The following ZNF790 variants were observed in gnomAD, a reference collection of about 807,000 sequenced individuals.
The protein encoded by ZNF790 is zinc finger protein 790.
A neutral mutation model predicts 12.1 loss-of-function variants in ZNF790; 8 were observed. That is an observed-to-expected ratio of 0.66 (90% CI 0.39 to 1.19). The LOEUF is 1.19. Ranked by LOEUF, ZNF790 falls within the 50% of genes most tolerant of loss-of-function variation. The probability of loss-of-function intolerance (pLI) is 0.01; values close to 1 mark genes in which losing one functional copy is unlikely to be tolerated. For synonymous variants in ZNF790, 252 were observed against 244.3 expected, an observed-to-expected ratio of 1.03 and a Z score of -0.29; for missense variants, 707 against 752.2, an observed-to-expected ratio of 0.94 and a Z score of 0.70.
chr19:36,842,467 T>C (rs1040098918), upstream of ZNF790, among the ~76,000 whole-genome samples: 14 of 152,110 alleles, frequency 9.2e-5, no homozygotes, highest in Middle Eastern at 6.3e-3. Flanking sequence ...ATTAGTATTA[T>C]AGTGAGACAG....
At chr19:36,842,370 A>T (rs971985081), upstream of ZNF790, among the ~76,000 whole-genome samples, 9 of 152,338 alleles carry the variant, frequency 5.9e-5, no homozygotes, top group South Asian at 2.1e-4. Flanking sequence ...ATGTGCCTAT[A>T]TGAGATTTAT....
intron 1 of ZNF790, among the ~76,000 whole-genome samples, chr19:36,831,083 G>T (rs1300197812): frequency 6.6e-6 from 1 of 151,976 alleles, no homozygotes; most frequent in Non-Finnish European, 1.5e-5. Flanking sequence ...AGGTTCCAGT[G>T]AGCCAAGATC....
chr19:36,842,768 G>A (rs930587785), upstream of ZNF790, among the ~76,000 whole-genome samples: 1 of 151,946 alleles, frequency 6.6e-6, no homozygotes, highest in Non-Finnish European at 1.5e-5. Context: ...CACTTTGGGA[G>A]GCTGAGGCAG....
chr19:36,823,612 A>T (rs2071724975), intron 3 of ZNF790, 55 bp downstream of exon 3: 8 of 1,575,826 alleles, frequency 5.1e-6, no homozygotes, highest in Middle Eastern at 1.7e-4. Context: ...AAAAGACAAT[A>T]AAAAAAATCA....
chr19:36,847,805 G>A (rs1041325210), intron 1 of ZNF790, among the ~76,000 whole-genome samples: 2 of 151,174 alleles, frequency 1.3e-5, no homozygotes, highest in African/African-American at 4.9e-5. Context: ...TGAGGGAAGA[G>A]CCTACATAGA....
At chr19:36,828,666 C>G (rs752706800) in intron 1 of ZNF790, among the ~76,000 whole-genome samples, 1 of 152,006 alleles carries the variant, frequency 6.6e-6, no homozygotes, top group Non-Finnish European at 1.5e-5. Context: ...TTTGTCGAGA[C>G]GGGGTCCGCT....
At chr19:36,849,807 C>A (rs1273027442) in intron 1 of ZNF790, among the ~76,000 whole-genome samples, 1 of 151,828 alleles carries the variant, frequency 6.6e-6, no homozygotes, top group South Asian at 2.1e-4. Flanking sequence ...TTGCCCCCCC[C>A]ACCTCCACAC....
chr19:36,825,757 C>G (rs981143910), intron 1 of ZNF790, 65 bp from the exon 2 acceptor site: 24 of 928,692 alleles, frequency 2.6e-5, no homozygotes, highest in African/African-American at 4.9e-5. Context: ...ATAGGAAATG[C>G]CATTTTCTTC....
At chr19:36,828,524 T>A (rs2071880003) in intron 1 of ZNF790, among the ~76,000 whole-genome samples, 1 of 151,926 alleles carries the variant, frequency 6.6e-6, no homozygotes, top group East Asian at 1.9e-4. Flanking sequence ...TCAGTCATGC[T>A]GGAGTAGAGT....
rs114799969 is a variant in ZNF790, at chr19:36,844,538, G to A, written c.-74+5464C>T. Among the ~76,000 whole-genome samples the A allele has an allele frequency of 8.9e-3, 1,349 of 152,098 alleles. 8 individuals carry two copies. Among genetic ancestry groups the A allele is most frequent in the Middle Eastern group, 0.031 (9 of 294 alleles). On this transcript the variant is annotated intron_variant, in intron 1 of 4. Coordinates refer to the ZNF790 transcript ENST00000528994. ...GTCCCAAAAGAAAAGTAGAGACAGC[G>A]TGGAGAAGAACCCTATTTGAAGAGA...
chr19:36,848,755 G>C (rs994183373), intron 1 of ZNF790, among the ~76,000 whole-genome samples: 1 of 151,260 alleles, frequency 6.6e-6, no homozygotes, highest in Non-Finnish European at 1.5e-5. Flanking sequence ...TGGGGGTTGG[G>C]GGGGTGGTGG....
At chr19:36,827,854 TAAGA>T (rs1218148278) in intron 1 of ZNF790, 1 of 152,152 alleles carries the variant, frequency 6.6e-6, no homozygotes, top group Non-Finnish European at 1.5e-5. Flanking sequence ...TCAGAGGTAA[TAAGA>T]AAGCATTCTG....
chr19:36,825,577 G>A, intron 2 of ZNF790, 34 bp downstream of exon 2: 1 of 1,604,682 alleles, frequency 6.2e-7, no homozygotes, highest in Non-Finnish European at 8.5e-7. Flanking sequence ...ATATAAATGG[G>A]TTATATTTTT....
chr19:36,849,388 T>A lies in ZNF790; in HGVS notation c.-74+614A>T, dbSNP rs575402183. 4.5e-4 allele frequency among the ~76,000 whole-genome samples: 68 copies of A among 152,304 alleles called. No homozygotes were observed. The East Asian group carries it at 9.5e-3, about 21-fold the overall frequency. ...CTAGCTCCCCTTTCTGTCAGTTTTT[T>A]AATTTTATATTTGTTTTCAAATGAG... On this transcript the variant is annotated intron_variant, in intron 1 of 4. Coordinates refer to the ZNF790 transcript ENST00000528994.
chr19:36,825,475 A>G (rs1316159706), intron 2 of ZNF790, 136 bp downstream of exon 2: 15 of 955,434 alleles, frequency 1.6e-5, no homozygotes, highest in Non-Finnish European at 1.7e-6. Flanking sequence ...TAGGGAAAGC[A>G]TTGGACTGTT....
At chr19:36,845,221 A>G (rs1388462899) in intron 1 of ZNF790, among the ~76,000 whole-genome samples, 1 of 152,030 alleles carries the variant, frequency 6.6e-6, no homozygotes, top group Admixed American at 6.6e-5. Context: ...GTTCAAGACC[A>G]GCCTGAGCAA....
At chr19:36,824,441 G>A (rs888840593) in intron 2 of ZNF790, among the ~76,000 whole-genome samples, 1 of 152,032 alleles carries the variant, frequency 6.6e-6, no homozygotes, top group Non-Finnish European at 1.5e-5. Flanking sequence ...CTAACAGCTG[G>A]GGTTACGTGT....
chr19:36,826,534 G>GATTGCACCATTGCACTCCAGCCTGGCGA (rs2071803117), intron 1 of ZNF790, among the ~76,000 whole-genome samples: 1 of 149,700 alleles, frequency 6.7e-6, no homozygotes, highest in Non-Finnish European at 1.5e-5. Context: ...AGTGAGCCGA[G>GATTGCACCATTGCACTCCAGCCTGGCGA]ATTGCACCAT....
Position 36,849,651 on chromosome 19 carries a change from C to T in ZNF790, c.-74+351G>A, listed in dbSNP as rs190336729. ...CTTCCCCCCTTTAAAACTGCTGCAC[C>T]AGGAAGATACAACCTTGTTATCACA... is the stretch of plus-strand genomic sequence containing the variant. On this transcript the variant is annotated intron_variant, in intron 1 of 4. Transcript: ENST00000528994. Among the ~76,000 whole-genome samples the T allele has an allele frequency of 1.8e-4, 28 of 151,984 alleles. No homozygotes were observed. In the East Asian group the frequency reaches 4.8e-3, roughly 26 times the overall value.
Sources: gnomAD v4.1 joint callset for allele counts (sites outside exome capture counted in the v4.1 genomes callset) on GRCh38, gnomAD v4.1.1 for gene constraint, MANE v1.5 for transcripts, NCBI Gene and HGNC (gene_info 2026-07-23, HGNC 2026-07-21) for gene names.